FER1L5: variants seen among roughly 807,000 people sequenced by gnomAD.
FER1L5 encodes the protein fer-1-like protein 5.
Under a neutral mutation model 279.9 loss-of-function variants are expected in FER1L5, and 187 were observed. The observed-to-expected ratio is 0.67, with a 90% CI of 0.59 to 0.75. The LOEUF (loss-of-function observed/expected upper bound fraction) is 0.75, where lower values mean the gene tolerates loss of function less well. Ranked by LOEUF, FER1L5 falls within the 30% of genes least tolerant of loss-of-function variation. The pLI is 0.00. For synonymous variants in FER1L5, 921 were observed against 989.7 expected, an observed-to-expected ratio of 0.93 and a Z score of 1.30; for missense variants, 2,091 against 2,594.4, an observed-to-expected ratio of 0.81 and a Z score of 4.21.
Position 96,669,137 on chromosome 2 carries a change from T to C in FER1L5, c.1362T>C (p.Ala454=). The change falls in exon 17 of 53, where the codon GCT becomes GCC. Residue 454 remains alanine (A), a splice_region_variant and synonymous_variant. Coordinates refer to ENST00000624922, the MANE Select transcript of FER1L5 (RefSeq NM_001293083.2). The part of the protein sequence containing the change: ...KAPFRIQEEG[A]CIPDSVRDGL... ...CTTTCAGGATCCAGGAAGAAGGCGC[T>C]GTAAGCTTCTCACATCAGCTCTAGG... 6.4e-7 allele frequency: 1 copy of C among 1,551,412 alleles called. No individual in the cohort carries two copies.
Position 96,702,543 on chromosome 2 carries a change from C to T in FER1L5, c.5256-57C>T. 6.4e-7 allele frequency: 1 copy of T among 1,551,576 alleles called. No individual in the cohort carries two copies. The highest frequency in any genetic ancestry group is 8.7e-7 in the Non-Finnish European group (1 of 1,147,010). ...CTGGGCAGCCCTTCCCATGGGGCTCCAGCTGGGGGATGGGGCCAATGCACA... is the reference window on the plus strand; with the variant it reads ...CTGGGCAGCCCTTCCCATGGGGCTCTAGCTGGGGGATGGGGCCAATGCACA... On this transcript the variant is annotated intron_variant, in intron 47 of 52. Coordinates refer to ENST00000624922, the MANE Select transcript of FER1L5 (RefSeq NM_001293083.2). This position sits in a 1 kb window ranked among gnomAD's most constrained non-coding sequence, Gnocchi z 4.0.
At chr2:96,644,163 T>G in intron 1 of FER1L5, among the ~76,000 whole-genome samples, 2 of 111,396 alleles carry the variant, frequency 1.8e-5, no homozygotes, top group African/African-American at 3.6e-5. Context: ...CAGATCGAGA[T>G]GAGGTGCCTT....
At position 96,702,862 on chromosome 2, in the gene FER1L5, C is replaced by T. The variant is rs2077641290; in HGVS notation, c.5398-116C>T. On this transcript the variant is annotated intron_variant, in intron 48 of 52. Transcript: ENST00000624922. The surrounding 1 kb of genome is among the most constrained non-coding windows in gnomAD (Gnocchi z 4.0). ...TCCCAGAACATCAGAAACATGTCCT[C>T]AGGTGGAAACCCTCTTCCTTGATAG... 6.5e-7 allele frequency: 1 copy of T among 1,528,952 alleles called. No individual in the cohort carries two copies. Among genetic ancestry groups the T allele is most frequent in the Non-Finnish European group, 8.8e-7 (1 of 1,131,014 alleles). 94.7% of individuals were successfully genotyped at this position (1,528,952 alleles called of 1,614,324 possible).
chr2:96,676,942 A>G (rs1454880257), intron 19 of FER1L5, among the ~76,000 whole-genome samples: 1 of 152,126 alleles, frequency 6.6e-6, no homozygotes, highest in Non-Finnish European at 1.5e-5. Context: ...CCCGGGTTCA[A>G]GTGATACTCC....
At position 96,704,196 on chromosome 2, in the gene FER1L5, C is replaced by T; in HGVS notation, c.5802-19C>T. The stretch of plus-strand genomic sequence containing the variant: ...GGTTCTCCCTGCCATTCTCTGACAT[C>T]TCCCTGGCTCCTGGACAGACGCACC... On this transcript the variant is annotated intron_variant, in intron 51 of 52. Coordinates refer to ENST00000624922, the MANE Select transcript of FER1L5 (RefSeq NM_001293083.2). The T allele has an allele frequency of 6.2e-7, 1 of 1,611,344 alleles. No individual in the cohort carries two copies.
In FER1L5 at chr2:96,658,411, G is replaced by T. The variant is rs1193398415; in HGVS notation, c.748-1930G>T. ...AGCTCACTGCAGCCTCTGCCTCCCGGGTTCAAGTGATTCTCCTGCCTCAGC... is the reference window on the plus strand; with the variant it reads ...AGCTCACTGCAGCCTCTGCCTCCCGTGTTCAAGTGATTCTCCTGCCTCAGC... On this transcript the variant is annotated intron_variant, in intron 9 of 52. Coordinates refer to ENST00000624922, the MANE Select transcript of FER1L5 (RefSeq NM_001293083.2). Among the ~76,000 whole-genome samples the T allele has an allele frequency of 2.0e-5, 3 of 150,798 alleles. No homozygotes were observed. The East Asian group carries it at 5.8e-4, about 29-fold the overall frequency.
intron 9 of FER1L5, among the ~76,000 whole-genome samples, chr2:96,659,350 C>CTTTCTTTCTTTCTTTCTTTCTTTCT (rs1558853389): frequency 2.7e-5 from 2 of 74,960 alleles, no homozygotes; most frequent in Admixed American, 2.1e-4. Context: ...TCCTTCCTTC[C>CTTTCTTTCTTTCTTTCTTTCTTTCT]TTCCTTCCTT....
chr2:96,681,974 C>G (rs528100162), intron 19 of FER1L5, among the ~76,000 whole-genome samples: 1 of 151,560 alleles, frequency 6.6e-6, no homozygotes, highest in Non-Finnish European at 1.5e-5. Context: ...GTAATAGAGA[C>G]GGGGTTTCAC....
chr2:96,653,461 T>C, intron 7 of FER1L5, 179 bp from the exon 8 acceptor site: 1 of 603,234 alleles, frequency 1.7e-6, no homozygotes, highest in Non-Finnish European at 2.9e-6. Flanking sequence ...GTTTCAGATT[T>C]TGGAGCATTT....
intron 38 of FER1L5, 27 bp from the exon 39 acceptor site, chr2:96,697,633 G>C: frequency 6.2e-7 from 1 of 1,613,938 alleles, no homozygotes; most frequent in Non-Finnish European, 8.5e-7. Flanking sequence ...CCCTGCCCGA[G>C]GCCAGAATGA....
Position 96,697,770 on chromosome 2 carries a change from G to A in FER1L5, c.4236+9G>A. The A allele has an allele frequency of 1.2e-6, 2 of 1,613,634 alleles. No homozygotes were observed. Among genetic ancestry groups the A allele is most frequent in the African/African-American group, 2.7e-5 (2 of 75,062 alleles). ...ACTACCACACCCTCAAGGTTTGAAG[G>A]AGGGAAGAAATGGGATGGAATCAAA... On this transcript the variant is annotated intron_variant, in intron 39 of 52. Transcript: ENST00000624922.
At position 96,691,968 on chromosome 2, in the gene FER1L5, G is replaced by C; in HGVS notation, c.3214+5G>C. The stretch of plus-strand genomic sequence containing the variant: ...TCATCTACTGCACCTTCAATAGTAA[G>C]CACTGACTTGGGAGTCTACTTGAAT... On this transcript the variant is annotated splice_donor_5th_base_variant and intron_variant, in intron 30 of 52. Coordinates refer to ENST00000624922, the MANE Select transcript of FER1L5 (RefSeq NM_001293083.2). The surrounding 1 kb of genome is among the most constrained non-coding windows in gnomAD (Gnocchi z 6.0). The C allele has an allele frequency of 2.8e-6, 4 of 1,432,344 alleles. No individual in the cohort carries two copies. The highest frequency in any genetic ancestry group is 3.7e-6 in the Non-Finnish European group (4 of 1,076,572). The allele number at this position is 1,432,344 out of a possible 1,614,324, so 88.7% of individuals were successfully genotyped here. A position where few individuals can be genotyped will look rare whatever the true frequency, so the allele number is the denominator to read the frequency against.
chr2:96,685,309 AT>A lies in FER1L5; in HGVS notation c.1795-17del, dbSNP rs1201487503. The A allele has an allele frequency of 6.5e-7, 1 of 1,550,222 alleles. No homozygotes were observed. Among genetic ancestry groups the A allele is most frequent in the South Asian group, 1.2e-5 (1 of 83,978 alleles). ...CCATGCTGAGGCGGGCTCTCTCACC[AT>A]TTCTCTCCTGCTGGGCAGAAAGCCA... On this transcript the variant is annotated intron_variant, in intron 20 of 52. Transcript: ENST00000624922.
intron 9 of FER1L5, among the ~76,000 whole-genome samples, chr2:96,659,335 T>TTCCTTCCTTCCTTCCGTCCGTCCG (rs1558853078): frequency 1.2e-5 from 1 of 83,342 alleles, no homozygotes; most frequent in African/African-American, 4.7e-5. Context: ...CCTTCCTTCC[T>TTCCTTCCTTCCTTCCGTCCGTCCG]TCCTTCCTTC....
intron 19 of FER1L5, 71 bp downstream of exon 19, chr2:96,673,325 G>C (rs1404458153): frequency 1.8e-5 from 25 of 1,424,488 alleles, no homozygotes; most frequent in Non-Finnish European, 2.4e-5. Context: ...GGCTCTCTCA[G>C]GGGTATTAGC....
At position 96,685,403 on chromosome 2, in the gene FER1L5, G is replaced by A. The variant is rs946692905; in HGVS notation, c.1869G>A (p.Leu623=). 14 of 1,550,966 alleles carry A rather than the reference G, an allele frequency of 9.0e-6. No homozygotes were observed. Among genetic ancestry groups the A allele is most frequent in the African/African-American group, 1.4e-5 (1 of 73,004 alleles). ...DPALLYQWEK[L]LRELAEDCKR... ...CTCTCCTCTACCAGTGGGAGAAACT[G>A]CTGAGGGAGCTGGCAGAGGACTGCA... Residue 623 remains leucine (L), a synonymous_variant, in exon 21 of 53, where the codon CTG becomes CTA. Transcript: ENST00000624922.
In FER1L5 at chr2:96,703,297, C is replaced by G. The variant is rs1461435637; in HGVS notation, c.5642C>G (p.Thr1881Ser). The change falls in exon 50 of 53, where the codon ACT (threonine) becomes AGT (serine). Residue 1881 changes from threonine to serine, a missense_variant. Physicochemically the swap from Thr to Ser is moderately conservative, Grantham distance 58. Transcript: ENST00000624922. ...TCCCTCTTTAAGAAGAAGACTGTGACTGGCTGGTGGCCTTGCCAGGTCCTC... is the reference window on the plus strand; with the variant it reads ...TCCCTCTTTAAGAAGAAGACTGTGAGTGGCTGGTGGCCTTGCCAGGTCCTC... ...HFSLFKKKTVTGWWPCQVLDG... is the reference protein window; with the variant it reads ...HFSLFKKKTVSGWWPCQVLDG... 6.2e-7 allele frequency: 1 copy of G among 1,613,622 alleles called. No individual in the cohort carries two copies.
intron 9 of FER1L5, among the ~76,000 whole-genome samples, chr2:96,658,941 T>C (rs550840230): frequency 1.9e-4 from 29 of 152,042 alleles, no homozygotes; most frequent in Non-Finnish European, 4.1e-4. Flanking sequence ...CTGTTTTGTT[T>C]TTGTTTTTGT....
At chr2:96,687,583 C>T (rs2076977400) in intron 23 of FER1L5, 7 of 570,844 alleles carry the variant, frequency 1.2e-5, no homozygotes, top group African/African-American at 5.6e-5. Context: ...GCTACTCCCT[C>T]TGTGAGGCAC....
Sources: allele counts gnomAD v4.1 joint callset (sites outside exome capture counted in the v4.1 genomes callset), GRCh38; gene constraint gnomAD v4.1.1; non-coding constraint Gnocchi (gnomAD v3.1); transcripts MANE v1.5; gene names NCBI Gene and HGNC (gene_info 2026-07-23, HGNC 2026-07-21).